EPC1: variants seen among roughly 807,000 people sequenced by gnomAD.
EPC1 encodes the protein enhancer of polycomb homolog 1.
A neutral mutation model predicts 98.4 loss-of-function variants in EPC1; 12 were observed. The observed-to-expected ratio is 0.12, with a 90% CI of 0.08 to 0.20. The LOEUF (loss-of-function observed/expected upper bound fraction) is 0.20. Ranked by LOEUF, EPC1 falls within the 10% of genes least tolerant of loss-of-function variation. The pLI is 1.00. For synonymous variants in EPC1, 357 were observed against 363.9 expected, an observed-to-expected ratio of 0.98 and a Z score of 0.21; for missense variants, 729 against 990.5, an observed-to-expected ratio of 0.74 and a Z score of 3.54.
At chr10:32,325,401 A>G (rs796888607) in intron 1 of EPC1, among the ~76,000 whole-genome samples, 14 of 152,348 alleles carry the variant, frequency 9.2e-5, no homozygotes, top group African/African-American at 3.4e-4. Context: ...GCTATGTTAA[A>G]TAAATCTGGT....
At chr10:32,335,288 A>C (rs898581034) in intron 1 of EPC1, among the ~76,000 whole-genome samples, 1 of 152,066 alleles carries the variant, frequency 6.6e-6, no homozygotes, top group Non-Finnish European at 1.5e-5. Flanking sequence ...TTCTAATCTC[A>C]GTGTCTCCTA....
At chr10:32,321,987 T>C (rs1592595161) in intron 1 of EPC1, among the ~76,000 whole-genome samples, 2 of 151,148 alleles carry the variant, frequency 1.3e-5, no homozygotes, top group East Asian at 3.9e-4. Flanking sequence ...AAGAGCAGGT[T>C]TCTTAGCTTC....
At position 32,286,962 on chromosome 10, in the gene EPC1, A is replaced by T. The variant is rs767835660; in HGVS notation, c.1206T>A (p.Phe402Leu). The change falls in exon 8 of 14, where the codon TTT (phenylalanine) becomes TTA (leucine). Residue 402 changes from phenylalanine to leucine, a missense_variant. Coordinates refer to ENST00000319778, the MANE Select transcript of EPC1 (RefSeq NM_001272004.3). Reference protein sequence around the residue: ...AEEDNDPDGPFAFRRKAGCQY... With the variant: ...AEEDNDPDGPLAFRRKAGCQY... ...GACAGCCTGCTTTCCTACGGAAAGC[A>T]AAAGGACCATCAGGATCATTGTCTT... is the stretch of plus-strand genomic sequence containing the variant. 20 of 1,613,844 alleles carry T rather than the reference A, an allele frequency of 1.2e-5. No homozygotes were observed. Among genetic ancestry groups the T allele is most frequent in the African/African-American group, 2.7e-5 (2 of 74,920 alleles).
intron 13 of EPC1, chr10:32,269,400 A>T: frequency 3.2e-6 from 1 of 309,682 alleles, no homozygotes; most frequent in Non-Finnish European, 6.1e-6. Flanking sequence ...AAAACAAAGA[A>T]TTCCCATGTT....
chr10:32,303,702 G>A (rs904689247), intron 2 of EPC1, among the ~76,000 whole-genome samples: 3 of 152,320 alleles, frequency 2.0e-5, no homozygotes, highest in African/African-American at 7.2e-5. Flanking sequence ...GATGGTGCAG[G>A]TGAGTGTCTT....
chr10:32,310,972 A>T (rs1227821039), intron 1 of EPC1, among the ~76,000 whole-genome samples: 1 of 152,178 alleles, frequency 6.6e-6, no homozygotes, highest in Non-Finnish European at 1.5e-5. Context: ...GTCATGATAT[A>T]TGCAACATAC....
rs1212843391 is a variant in EPC1 at position 32,272,187 on chromosome 10, G to T, written c.1864-20C>A. 1.3e-6 allele frequency: 2 copies of T among 1,592,494 alleles called. No individual in the cohort carries two copies. The highest frequency in any genetic ancestry group is 4.5e-5 in the East Asian group (2 of 44,542). Reference sequence around the variant, plus strand: ...AAAACCCTAAAAAGAAAATACAAAAGAAATCTAATCAGTATCACTTAGTAT... The same window carrying T: ...AAAACCCTAAAAAGAAAATACAAAATAAATCTAATCAGTATCACTTAGTAT... On this transcript the variant is annotated intron_variant, in intron 11 of 13. Transcript: ENST00000319778.
intron 1 of EPC1, chr10:32,378,474 G>A (rs1177105189): frequency 7.8e-6 from 12 of 1,544,730 alleles, no homozygotes; most frequent in Non-Finnish European, 1.0e-5. Flanking sequence ...CATAAATGGT[G>A]AAAATTACAA....
upstream of EPC1, among the ~76,000 whole-genome samples, chr10:32,348,830 A>T (rs1462756022): frequency 6.6e-6 from 1 of 152,212 alleles, no homozygotes; most frequent in Non-Finnish European, 1.5e-5. Context: ...AGCCCAGGCC[A>T]CTGTGGGAAG....
At chr10:32,280,411 A>G (rs1836344828) in intron 10 of EPC1, among the ~76,000 whole-genome samples, 1 of 152,088 alleles carries the variant, frequency 6.6e-6, no homozygotes, top group Non-Finnish European at 1.5e-5. Context: ...AGATCACGCC[A>G]TGGCACTCCA....
At chr10:32,368,164 T>C (rs1431322272) in intron 1 of EPC1, among the ~76,000 whole-genome samples, 1 of 152,206 alleles carries the variant, frequency 6.6e-6, no homozygotes, top group African/African-American at 2.4e-5. Context: ...AAGAAAGAAG[T>C]AGTTCTCTCT....
At chr10:32,327,418 C>A (rs78959390) in intron 1 of EPC1, among the ~76,000 whole-genome samples, 4 of 151,928 alleles carry the variant, frequency 2.6e-5, no homozygotes, top group Non-Finnish European at 4.4e-5. Flanking sequence ...AACGACAGCA[C>A]ATTATATGTT....
rs1005214099 is a variant in EPC1 at position 32,345,430 on chromosome 10, T to C, written c.153+1333A>G. 2.5e-5 allele frequency: 25 copies of C among 985,152 alleles called. No individual in the cohort carries two copies. In the African/African-American group the frequency reaches 2.6e-4, roughly 10 times the overall value. The allele number at this position is 985,152 out of a possible 1,614,324, so 61.0% of individuals were successfully genotyped here. On this transcript the variant is annotated intron_variant, in intron 1 of 13. Transcript: ENST00000319778. ...AACATTACAGAGCATAATTTCTACA[T>C]TAAAAATTCTTACAGTACCAAGAGA...
At chr10:32,327,977 T>G (rs1176289097) in intron 1 of EPC1, among the ~76,000 whole-genome samples, 1 of 152,162 alleles carries the variant, frequency 6.6e-6, no homozygotes, top group Non-Finnish European at 1.5e-5. Flanking sequence ...TGTTTGGTAT[T>G]GCAAGAAAGA....
At chr10:32,278,371 G>GTTTTTTTTTTTTGTTTTTTTTTT (rs1836213066) in intron 10 of EPC1, among the ~76,000 whole-genome samples, 18 of 102,586 alleles carry the variant, frequency 1.8e-4, no homozygotes, top group East Asian at 2.9e-4. Flanking sequence ...GTTTTTTTTT[G>GTTTTTTTTTTTTGTTTTTTTTTT]TTTTTTTTTT....
chr10:32,338,929 C>A (rs1385802059), intron 1 of EPC1, among the ~76,000 whole-genome samples: 1 of 123,432 alleles, frequency 8.1e-6, no homozygotes, highest in East Asian at 2.6e-4. Context: ...CAGAGGGAGA[C>A]CTTGTCTCAA....
At position 32,355,121 on chromosome 10, in the gene EPC1, C is replaced by A. The variant is rs1240482408; in HGVS notation, c.3+23370G>T. On this transcript the variant is annotated intron_variant, in intron 1 of 13. Transcript: ENST00000375110. The stretch of plus-strand genomic sequence containing the variant: ...CCCTGGATCCATAGAAAAGTTGTCT[C>A]CCATGAAACTAGTCCCTGGTGCCAA... 3.9e-5 allele frequency among the ~76,000 whole-genome samples: 6 copies of A among 152,292 alleles called. No homozygotes were observed. In the East Asian group the frequency reaches 1.2e-3, roughly 29 times the overall value.
At chr10:32,326,917 G>A (rs1467040641) in intron 1 of EPC1, among the ~76,000 whole-genome samples, 1 of 130,924 alleles carries the variant, frequency 7.6e-6, no homozygotes, top group African/African-American at 2.9e-5. Flanking sequence ...AGGATGCAGA[G>A]AAAAAAAGAA....
chr10:32,369,949 A>G (rs574675153), intron 1 of EPC1, among the ~76,000 whole-genome samples: 36 of 152,326 alleles, frequency 2.4e-4, no homozygotes, highest in African/African-American at 8.4e-4. Flanking sequence ...AAGACCAGAT[A>G]TTATTTAAAG....
Sources: gnomAD v4.1 joint callset for allele counts (sites outside exome capture counted in the v4.1 genomes callset) on GRCh38, gnomAD v4.1.1 for gene constraint, MANE v1.5 for transcripts, NCBI Gene and HGNC (gene_info 2026-07-23, HGNC 2026-07-21) for gene names.